The following HMCN1 variants were observed in gnomAD, a reference collection of about 807,000 sequenced individuals.
The protein encoded by HMCN1 is hemicentin-1.
HMCN1 carries 321 observed loss-of-function variants against 625.9 expected under a neutral mutation model. The ratio of observed to expected loss-of-function variants is 0.51; its 90% confidence interval spans 0.47 to 0.56. The LOEUF (loss-of-function observed/expected upper bound fraction) is 0.56, where lower values mean the gene tolerates loss of function less well. Ranked by LOEUF, HMCN1 falls within the 20% of genes least tolerant of loss-of-function variation. The probability of loss-of-function intolerance (pLI) is 0.00; values close to 1 mark genes in which losing one functional copy is unlikely to be tolerated. For synonymous variants in HMCN1, 2,425 were observed against 2,417.6 expected, an observed-to-expected ratio of 1.00 and a Z score of -0.09; for missense variants, 6,588 against 6,887.3, an observed-to-expected ratio of 0.96 and a Z score of 1.54.
intron 55 of HMCN1, 86 bp downstream of exon 55, chr1:186,078,306 C>T: frequency 1.1e-6 from 1 of 900,594 alleles, no homozygotes. Flanking sequence ...ACACTAAGCG[C>T]TTTTGAGACT....
chr1:185,768,122 C>A (rs542888273), intron 1 of HMCN1, among the ~76,000 whole-genome samples: 1 of 152,074 alleles, frequency 6.6e-6, no homozygotes, highest in African/African-American at 2.4e-5. Flanking sequence ...TATTATTATT[C>A]CTCACCATAC....
chr1:185,977,711 T>C, intron 15 of HMCN1, 76 bp from the exon 16 acceptor site: 1 of 916,980 alleles, frequency 1.1e-6, no homozygotes, highest in Admixed American at 1.7e-5. Context: ...GATTTGACAG[T>C]TTAATATTTA....
chr1:185,925,267 CT>C, intron 9 of HMCN1, 76 bp downstream of exon 9: 2 of 1,408,466 alleles, frequency 1.4e-6, no homozygotes. Flanking sequence ...TTGCAGTGTA[CT>C]TTTTCACTGA....
chr1:185,935,807 C>G (rs1667785468), intron 11 of HMCN1, among the ~76,000 whole-genome samples: 1 of 151,960 alleles, frequency 6.6e-6, no homozygotes, highest in East Asian at 1.9e-4. Flanking sequence ...TTGTGGCTAT[C>G]TAAATGTATT....
chr1:186,065,558 G>A, intron 49 of HMCN1, 129 bp downstream of exon 49: 1 of 599,030 alleles, frequency 1.7e-6, no homozygotes, highest in Non-Finnish European at 2.8e-6. Flanking sequence ...CAGTGCTTGT[G>A]TACATTTACT....
At chr1:186,165,005 A>T (rs758991532) in intron 97 of HMCN1, 106 bp from the exon 98 acceptor site, 42 of 960,724 alleles carry the variant, frequency 4.4e-5, no homozygotes, top group Non-Finnish European at 7.0e-5. Context: ...TTTTTGCATC[A>T]TGTGTTTCAT....
chr1:185,889,322 C>G (rs1664889697), intron 4 of HMCN1, among the ~76,000 whole-genome samples: 1 of 143,320 alleles, frequency 7.0e-6, no homozygotes, highest in Non-Finnish European at 1.5e-5. Flanking sequence ...GCCTAATTGC[C>G]CTGGCCAGAA....
chr1:186,054,906 A>G (rs1329720518), intron 44 of HMCN1, among the ~76,000 whole-genome samples: 1 of 151,966 alleles, frequency 6.6e-6, no homozygotes, highest in Non-Finnish European at 1.5e-5. Context: ...ACCTCTGTGT[A>G]GGTTTTATAC....
At chr1:186,095,119 C>A in intron 67 of HMCN1, 124 bp from the exon 68 acceptor site, 1 of 945,510 alleles carries the variant, frequency 1.1e-6, no homozygotes, top group Non-Finnish European at 1.7e-6. Context: ...TTATTATACA[C>A]AATTTTAAAG....
chr1:185,912,762 C>A (rs879877649), intron 6 of HMCN1, among the ~76,000 whole-genome samples: 1 of 152,106 alleles, frequency 6.6e-6, no homozygotes, highest in Non-Finnish European at 1.5e-5. Flanking sequence ...CTTTGTGGGC[C>A]TCTTCCCATT....
intron 105 of HMCN1, among the ~76,000 whole-genome samples, chr1:186,186,677 A>G (rs1012205241): frequency 6.6e-6 from 1 of 152,130 alleles, no homozygotes; most frequent in East Asian, 1.9e-4. Flanking sequence ...TGTAAATCAG[A>G]AGGTTGGAAA....
chr1:185,968,663 A>G lies in HMCN1; in HGVS notation c.2213-1672A>G, dbSNP rs1017844765. ...TCTCTCTGTTAGTCTTTATATCCAC[A>G]GAGGCCAAATTGAATTTAAACTGTA... is the stretch of plus-strand genomic sequence containing the variant. On this transcript the variant is annotated intron_variant, in intron 14 of 106. Transcript: ENST00000271588. Among the ~76,000 whole-genome samples the G allele has an allele frequency of 2.2e-4, 34 of 152,132 alleles. 1 individual carries two copies. Among genetic ancestry groups the G allele is most frequent in the South Asian group, 1.7e-3 (8 of 4,822 alleles).
At chr1:185,798,807 G>A (rs1658579134) in intron 1 of HMCN1, among the ~76,000 whole-genome samples, 1 of 151,332 alleles carries the variant, frequency 6.6e-6, no homozygotes, top group African/African-American at 2.4e-5. Context: ...CTTTGTGTTG[G>A]TTTCCAACTT....
At chr1:185,798,581 T>A (rs1024923757) in intron 1 of HMCN1, among the ~76,000 whole-genome samples, 1 of 152,110 alleles carries the variant, frequency 6.6e-6, no homozygotes, top group East Asian at 1.9e-4. Context: ...AATTCTTTTT[T>A]TCTTTATATT....
At chr1:185,910,592 A>G (rs1305387726) in intron 5 of HMCN1, among the ~76,000 whole-genome samples, 1 of 142,904 alleles carries the variant, frequency 7.0e-6, no homozygotes, top group Non-Finnish European at 1.5e-5. Flanking sequence ...TTTTTTTGAC[A>G]TGGAGTCTTG....
intron 25 of HMCN1, among the ~76,000 whole-genome samples, chr1:185,998,764 A>G (rs1652977676): frequency 6.6e-6 from 1 of 152,258 alleles, no homozygotes; most frequent in Non-Finnish European, 1.5e-5. Flanking sequence ...TATGATTTTC[A>G]TCTTGCTCAT....
chr1:186,151,324 A>G lies in HMCN1; in HGVS notation c.14733A>G (p.Lys4911=). The G allele has an allele frequency of 6.2e-7, 1 of 1,613,788 alleles. No individual in the cohort carries two copies. The highest frequency in any genetic ancestry group is 8.5e-7 in the Non-Finnish European group (1 of 1,179,750). Reference sequence around the variant, plus strand: ...CTGATACTAGAATAATACGTGCCAAAATTACCAATGTACCTCGTAGTCTTG... The same window carrying G: ...CTGATACTAGAATAATACGTGCCAAGATTACCAATGTACCTCGTAGTCTTG... ...PNSDTRIIRA[K]ITNVPRSLGS... The change falls in exon 94 of 107, where the codon AAA becomes AAG. Residue 4911 remains lysine, a synonymous_variant. Coordinates refer to ENST00000271588, the MANE Select transcript of HMCN1 (RefSeq NM_031935.3).
intron 19 of HMCN1, among the ~76,000 whole-genome samples, chr1:185,986,872 A>T (rs1652031643): frequency 6.6e-6 from 1 of 150,674 alleles, no homozygotes; most frequent in Admixed American, 6.6e-5. Flanking sequence ...TAAATTAAAT[A>T]AAATAAAAAA....
In HMCN1 at chr1:186,074,688, T is replaced by C. The variant is rs1425902554; in HGVS notation, c.8140-53T>C. ...CAAAAACTATCAACTGCATGGCCTC[T>C]TAGAGGATTCATTATAGCACTTAAT... On this transcript the variant is annotated intron_variant, in intron 52 of 106. Transcript: ENST00000271588. The C allele has an allele frequency of 2.6e-6, 4 of 1,544,336 alleles. No individual in the cohort carries two copies. The African/African-American group carries it at 5.4e-5, about 21-fold the overall frequency.
Sources: gnomAD v4.1 joint callset for allele counts (sites outside exome capture counted in the v4.1 genomes callset) on GRCh38, gnomAD v4.1.1 for gene constraint, MANE v1.5 for transcripts, NCBI Gene and HGNC (gene_info 2026-07-23, HGNC 2026-07-21) for gene names.